ZCCHC4: variants seen among roughly 807,000 people sequenced by gnomAD.
The protein encoded by ZCCHC4 is zinc finger CCHC-type containing 4.
ZCCHC4 carries 54 observed loss-of-function variants against 67.7 expected under a neutral mutation model. The observed-to-expected ratio is 0.80, with a 90% CI of 0.64 to 1.00. ZCCHC4 has a LOEUF of 1.00. Among genes scored for constraint, ZCCHC4 ranks in the 50% least tolerant of loss-of-function variants. ZCCHC4 has a pLI of 0.00. For synonymous variants in ZCCHC4, 198 were observed against 213.5 expected, an observed-to-expected ratio of 0.93 and a Z score of 0.63; for missense variants, 609 against 617.0, an observed-to-expected ratio of 0.99 and a Z score of 0.14.
intron 3 of ZCCHC4, among the ~76,000 whole-genome samples, chr4:25,327,948 G>A (rs1037025892): frequency 6.6e-6 from 1 of 152,162 alleles, no homozygotes; most frequent in Non-Finnish European, 1.5e-5. Flanking sequence ...ATTTCGTCAT[G>A]ATGTAATAGC....
chr4:25,330,723 G>T (rs562597832), intron 3 of ZCCHC4, among the ~76,000 whole-genome samples: 32 of 152,300 alleles, frequency 2.1e-4, no homozygotes, highest in African/African-American at 7.7e-4. Context: ...CCCTACTGAG[G>T]CAGTGCTCTT....
intron 3 of ZCCHC4, among the ~76,000 whole-genome samples, chr4:25,324,217 A>G (rs1037280819): frequency 6.7e-5 from 10 of 150,008 alleles, no homozygotes; most frequent in Admixed American, 6.6e-4. Context: ...AGGTTTCACC[A>G]TGTTGGCCAG....
Position 25,359,533 on chromosome 4 carries a change from A to G in ZCCHC4, c.1012-2326A>G, listed in dbSNP as rs955678534. On this transcript the variant is annotated intron_variant, in intron 8 of 12. Coordinates refer to ENST00000302874, the MANE Select transcript of ZCCHC4 (RefSeq NM_024936.3). The surrounding 1 kb of genome is among the most constrained non-coding windows in gnomAD (Gnocchi z 4.9). ...TGATACCAAGGAGGCTGTTGGCGGG[A>G]TCAAGGGGTCCGTGCCACAAAGAAG... Among the ~76,000 whole-genome samples, 1 of 152,158 alleles carries G rather than the reference A, an allele frequency of 6.6e-6. No homozygotes were observed. The highest frequency in any genetic ancestry group is 2.4e-5 in the African/African-American group (1 of 41,444).
chr4:25,327,012 A>G (rs1718915939), intron 3 of ZCCHC4, among the ~76,000 whole-genome samples: 1 of 152,220 alleles, frequency 6.6e-6, no homozygotes, highest in Non-Finnish European at 1.5e-5. Flanking sequence ...GACTCTAACA[A>G]TACAGTTGAT....
intron 5 of ZCCHC4, among the ~76,000 whole-genome samples, chr4:25,335,720 A>G (rs920795566): frequency 1.3e-5 from 2 of 152,182 alleles, no homozygotes; most frequent in African/African-American, 4.8e-5. Context: ...AGATTGCGCC[A>G]CTGCATTCCA....
intron 9 of ZCCHC4, 86 bp downstream of exon 9, chr4:25,362,066 A>G: frequency 1.3e-6 from 2 of 1,510,850 alleles, no homozygotes; most frequent in Non-Finnish European, 1.8e-6. Context: ...TCAGTATTGA[A>G]TCATGTTATT....
Position 25,362,269 on chromosome 4 carries a change from C to CT in ZCCHC4, c.1177_1178insT (p.His393LeufsTer3), listed in dbSNP as rs751930340. 3 of 1,610,344 alleles carry CT rather than the reference C, an allele frequency of 1.9e-6. No homozygotes were observed. The highest frequency in any genetic ancestry group is 2.5e-6 in the Non-Finnish European group (3 of 1,177,796). On this transcript the variant is annotated frameshift_variant, in exon 10 of 13. Transcript: ENST00000302874. LOFTEE classifies it high-confidence loss of function. ...ACGGTATGTTTCTCTAGAGAATCAACACTGTGAGCTCTGTAATTCTTGCAC... is the reference window on the plus strand; with the variant it reads ...ACGGTATGTTTCTCTAGAGAATCAACTACTGTGAGCTCTGTAATTCTTGCAC...
chr4:25,343,595 A>G (rs1465787845), intron 5 of ZCCHC4, among the ~76,000 whole-genome samples: 1 of 152,208 alleles, frequency 6.6e-6, no homozygotes, highest in Admixed American at 6.5e-5. Flanking sequence ...TACTTTTACC[A>G]TTTTACGGAT....
At chr4:25,347,249 A>C (rs1720068453) in intron 6 of ZCCHC4, among the ~76,000 whole-genome samples, 2 of 152,364 alleles carry the variant, frequency 1.3e-5, no homozygotes, top group Middle Eastern at 3.4e-3. Flanking sequence ...TGAACAATGA[A>C]GACAAAATAA....
At chr4:25,328,193 G>A (rs1718990504) in intron 3 of ZCCHC4, among the ~76,000 whole-genome samples, 1 of 152,084 alleles carries the variant, frequency 6.6e-6, no homozygotes, top group South Asian at 2.1e-4. Flanking sequence ...TTTTCAGTGA[G>A]AAGCCTGATG....
At chr4:25,313,447 C>A (rs368474141) in intron 1 of ZCCHC4, among the ~76,000 whole-genome samples, 24 of 152,302 alleles carry the variant, frequency 1.6e-4, no homozygotes, top group African/African-American at 5.5e-4. Flanking sequence ...GTTTTAGTCT[C>A]AGGTTTGTAA....
At chr4:25,320,162 C>T (rs1327052921) in intron 3 of ZCCHC4, among the ~76,000 whole-genome samples, 1 of 151,570 alleles carries the variant, frequency 6.6e-6, no homozygotes, top group Non-Finnish European at 1.5e-5. Flanking sequence ...GACATATTTA[C>T]ATTTTGTGCC....
At chr4:25,338,952 T>C (rs930159085) in intron 5 of ZCCHC4, among the ~76,000 whole-genome samples, 7 of 152,168 alleles carry the variant, frequency 4.6e-5, no homozygotes, top group African/African-American at 1.7e-4. Flanking sequence ...ACAGACTATG[T>C]GGCTTAAACA....
Position 25,359,377 on chromosome 4 carries a change from G to A in ZCCHC4, c.1012-2482G>A, listed in dbSNP as rs1720633997. 6.6e-6 allele frequency among the ~76,000 whole-genome samples: 1 copy of A among 152,172 alleles called. No homozygotes were observed. Among genetic ancestry groups the A allele is most frequent in the Non-Finnish European group, 1.5e-5 (1 of 68,028 alleles). ...CAGCTCAGAAAAAGAGTTAGAAGCT[G>A]CCATGAATGGGGACCTCCAGGCACA... On this transcript the variant is annotated intron_variant, in intron 8 of 12. Transcript: ENST00000302874. This position sits in a 1 kb window ranked among gnomAD's most constrained non-coding sequence, Gnocchi z 4.9.
rs545227212 is a variant in ZCCHC4, at chr4:25,339,074, C to G, written c.686+5086C>G. 5.3e-4 allele frequency among the ~76,000 whole-genome samples: 80 copies of G among 152,272 alleles called. 1 individual carries two copies. In the South Asian group the frequency reaches 0.016, roughly 30 times the overall value. ...TGTGGCATGCAGATGGTCACTGTCT[C>G]CTCATAAGTTCTTCTCTTTGTGTGC... On this transcript the variant is annotated intron_variant, in intron 5 of 12. Transcript: ENST00000302874.
At chr4:25,328,740 C>T (rs921862533) in intron 3 of ZCCHC4, among the ~76,000 whole-genome samples, 1 of 151,792 alleles carries the variant, frequency 6.6e-6, no homozygotes, top group South Asian at 2.1e-4. Context: ...TGCCACCACA[C>T]CTGGGTAATT....
chr4:25,361,507 C>G (rs1423859634), intron 8 of ZCCHC4, among the ~76,000 whole-genome samples: 1 of 152,236 alleles, frequency 6.6e-6, no homozygotes, highest in Non-Finnish European at 1.5e-5. Flanking sequence ...CACATGAGCC[C>G]GTGCTTGGCC....
chr4:25,318,475 C>G (rs1718399198), intron 3 of ZCCHC4, among the ~76,000 whole-genome samples: 1 of 151,078 alleles, frequency 6.6e-6, no homozygotes, highest in African/African-American at 2.4e-5. Flanking sequence ...TCCTATCAAG[C>G]CTCTCAGTAG....
rs565084238 is a variant in ZCCHC4, at chr4:25,318,942, GTCAT to G, written c.329+3550_329+3553del. Among the ~76,000 whole-genome samples, 10 of 152,222 alleles carry G rather than the reference GTCAT, an allele frequency of 6.6e-5. No individual in the cohort carries two copies. In the South Asian group the frequency reaches 2.1e-3, roughly 32 times the overall value. Reference sequence around the variant, plus strand: ...CTCCATCCAACCATCTGTCCACCTAGTCATTCATTCACTCATTCATTCATTCAGT... The same window carrying G: ...CTCCATCCAACCATCTGTCCACCTAGTCATTCACTCATTCATTCATTCAGT... On this transcript the variant is annotated intron_variant, in intron 3 of 12. Coordinates refer to ENST00000302874, the MANE Select transcript of ZCCHC4 (RefSeq NM_024936.3).
Sources: gnomAD v4.1 joint callset for allele counts (sites outside exome capture counted in the v4.1 genomes callset) on GRCh38, gnomAD v4.1.1 for gene constraint, Gnocchi (gnomAD v3.1) non-coding constraint, MANE v1.5 for transcripts, NCBI Gene and HGNC (gene_info 2026-07-23, HGNC 2026-07-21) for gene names.